NGLY1: variants seen among roughly 807,000 people sequenced by gnomAD.
NGLY1 encodes the protein peptide-N(4)-(N-acetyl-beta-glucosaminyl)asparagine amidase.
In NGLY1, 68 loss-of-function variants were observed where a neutral mutation model predicts 84.6. The observed-to-expected ratio is 0.80, with a 90% CI of 0.66 to 0.98. The LOEUF is 0.98. NGLY1 is among the 50% of genes least tolerant of loss of function. The pLI is 0.00. For missense variants in NGLY1, 779 were observed against 770.2 expected, an observed-to-expected ratio of 1.01 and a Z score of -0.14; for synonymous variants, 280 against 275.2, an observed-to-expected ratio of 1.02 and a Z score of -0.17.
intron 1 of NGLY1, among the ~76,000 whole-genome samples, chr3:25,781,658 C>G (rs1708425357): frequency 6.6e-6 from 1 of 152,190 alleles, no homozygotes; most frequent in South Asian, 2.1e-4. Context: ...GATCGCGCCA[C>G]TGCACTCCAG....
chr3:25,773,308 G>C (rs994067159), intron 2 of NGLY1, among the ~76,000 whole-genome samples: 1 of 151,950 alleles, frequency 6.6e-6, no homozygotes, highest in African/African-American at 2.4e-5. Flanking sequence ...AAACTTCCTT[G>C]GGGCTTTGAT....
intron 2 of NGLY1, among the ~76,000 whole-genome samples, chr3:25,767,271 G>A (rs1293865679): frequency 2.7e-5 from 4 of 148,142 alleles, no homozygotes; most frequent in Non-Finnish European, 4.5e-5. Context: ...CAGCCTGGGC[G>A]ATAGAACTAG....
In NGLY1 at chr3:25,781,468, A is replaced by G. The variant is rs143247912; in HGVS notation, c.131+1792T>C. 2.8e-3 allele frequency among the ~76,000 whole-genome samples: 423 copies of G among 152,352 alleles called. 1 individual carries two copies. Among genetic ancestry groups the G allele is most frequent in the African/African-American group, 9.5e-3 (395 of 41,576 alleles). ...CAAAGACTTAGAGGGCTGTAGGGACATTAGACTTCAAACCCATCATATCCT... is the reference window on the plus strand; with the variant it reads ...CAAAGACTTAGAGGGCTGTAGGGACGTTAGACTTCAAACCCATCATATCCT... On this transcript the variant is annotated intron_variant, in intron 1 of 11. Transcript: ENST00000280700.
intron 9 of NGLY1, chr3:25,730,282 T>C (rs1705476816): frequency 6.6e-6 from 1 of 152,106 alleles, no homozygotes; most frequent in South Asian, 2.1e-4. Flanking sequence ...ATTCCAAAAG[T>C]ATTTAGGATT....
intron 4 of NGLY1, chr3:25,749,979 T>C (rs1575633617): frequency 5.1e-6 from 3 of 590,472 alleles, no homozygotes; most frequent in East Asian, 6.0e-5. Flanking sequence ...TTCTGCAATA[T>C]GTTACAACCT....
At chr3:25,730,443 C>A (rs1001619084) in intron 9 of NGLY1, 1 of 152,040 alleles carries the variant, frequency 6.6e-6, no homozygotes, top group Non-Finnish European at 1.5e-5. Flanking sequence ...CAACCCAATT[C>A]ATATTTTTAA....
chr3:25,789,313 T>G (rs1056497451), intron 1 of NGLY1, among the ~76,000 whole-genome samples: 2 of 152,042 alleles, frequency 1.3e-5, no homozygotes, highest in East Asian at 1.9e-4. Context: ...GAAAGGAAGT[T>G]TATTAGGAAA....
At chr3:25,759,921 C>A (rs1873101) in intron 3 of NGLY1, among the ~76,000 whole-genome samples, 7,425 of 30,684 alleles carry the variant, frequency 0.24, 441 homozygotes, top group Middle Eastern at 0.35. Context: ...TAAAAAAACA[C>A]ACACACACAC....
At chr3:25,768,112 CAAAAAAAAAAAAA>C (rs1165791295) in intron 2 of NGLY1, among the ~76,000 whole-genome samples, 1 of 49,162 alleles carries the variant, frequency 2.0e-5, no homozygotes, top group Non-Finnish European at 3.8e-5. Context: ...GACTCCATCT[CAAAAAAAAAAAAA>C]AAAAAAAAAA....
intron 3 of NGLY1, among the ~76,000 whole-genome samples, chr3:25,758,486 G>C (rs970814856): frequency 1.3e-5 from 2 of 152,148 alleles, no homozygotes; most frequent in Non-Finnish European, 2.9e-5. Context: ...GCTGAGGTGG[G>C]AGGATCATCT....
chr3:25,744,500 A>G (rs974731937), intron 4 of NGLY1, among the ~76,000 whole-genome samples: 1 of 152,228 alleles, frequency 6.6e-6, no homozygotes, highest in Non-Finnish European at 1.5e-5. Context: ...CACTAATGAA[A>G]GAAAATCACC....
rs1705789587 is a variant in NGLY1, at chr3:25,735,893, A to C, written c.1149+111T>G. On this transcript the variant is annotated intron_variant, in intron 7 of 11. Transcript: ENST00000280700. ...ACAAATAAAACTTATCAAACTGTAC[A>C]ATTTAAATATATGCAGGTTATTGTA... 4 of 955,946 alleles carry C rather than the reference A, an allele frequency of 4.2e-6. No individual in the cohort carries two copies. In the Admixed American group the frequency reaches 1.2e-4, roughly 28 times the overall value. The allele number at this position is 955,946 out of a possible 1,614,324, so 59.2% of individuals were successfully genotyped here. A position where few individuals can be genotyped will look rare whatever the true frequency, so the allele number is the denominator to read the frequency against.
chr3:25,777,961 C>T (rs1431140536), intron 2 of NGLY1: 1 of 152,174 alleles, frequency 6.6e-6, no homozygotes, highest in Non-Finnish European at 1.5e-5. Flanking sequence ...GTCTCTGTAA[C>T]TTGTTCAAGT....
intron 2 of NGLY1, among the ~76,000 whole-genome samples, chr3:25,766,794 A>G (rs774497588): frequency 1.3e-5 from 2 of 152,184 alleles, no homozygotes; most frequent in Non-Finnish European, 2.9e-5. Flanking sequence ...TGTAGGTCTC[A>G]GTCCACAACT....
intron 3 of NGLY1, chr3:25,755,137 G>C (rs1706974067): frequency 7.8e-7 from 1 of 1,286,514 alleles, no homozygotes; most frequent in Non-Finnish European, 1.1e-6. Flanking sequence ...CAGATGATGT[G>C]AGACTGGCAA....
chr3:25,778,807 T>A (rs1156564358), intron 1 of NGLY1, 119 bp from the exon 2 acceptor site: 1 of 474,566 alleles, frequency 2.1e-6, no homozygotes, highest in African/African-American at 2.0e-5. Flanking sequence ...TTTTCTTTCT[T>A]CCCTAAACCA....
chr3:25,758,330 C>A (rs1271407654), intron 3 of NGLY1, among the ~76,000 whole-genome samples: 1 of 152,144 alleles, frequency 6.6e-6, no homozygotes, highest in Non-Finnish European at 1.5e-5. Context: ...AACCCTAGCA[C>A]TTTTGGCAGC....
intron 10 of NGLY1, among the ~76,000 whole-genome samples, chr3:25,724,696 G>C (rs1042535701): frequency 6.6e-6 from 1 of 151,994 alleles, no homozygotes; most frequent in African/African-American, 2.4e-5. Flanking sequence ...GAATATACCA[G>C]ATGTCTCTCA....
At chr3:25,778,895 G>A (rs919410907) in intron 1 of NGLY1, among the ~76,000 whole-genome samples, 1 of 146,230 alleles carries the variant, frequency 6.8e-6, no homozygotes, top group South Asian at 2.2e-4. Flanking sequence ...TTTGAGATGG[G>A]GGGGGTCTCG....
Sources: gnomAD v4.1 joint callset for allele counts (sites outside exome capture counted in the v4.1 genomes callset) on GRCh38, gnomAD v4.1.1 for gene constraint, MANE v1.5 for transcripts, NCBI Gene and HGNC (gene_info 2026-07-23, HGNC 2026-07-21) for gene names.